AMPH: variants seen among roughly 807,000 people sequenced by gnomAD.
AMPH encodes amphiphysin (Stiff-Mann syndrome with breast cancer 128kD autoantigen).
A neutral mutation model predicts 99.1 loss-of-function variants in AMPH; 49 were observed. The observed-to-expected ratio is 0.49, with a 90% CI of 0.39 to 0.63. AMPH has a LOEUF of 0.63. Among genes scored for constraint, AMPH ranks in the 20% least tolerant of loss-of-function variants. AMPH has a pLI of 0.00. For synonymous variants in AMPH, 314 were observed against 317.3 expected, an observed-to-expected ratio of 0.99 and a Z score of 0.11; for missense variants, 759 against 863.4, an observed-to-expected ratio of 0.88 and a Z score of 1.52.
intron 17 of AMPH, among the ~76,000 whole-genome samples, chr7:38,398,018 G>A (rs951106786): frequency 4.0e-5 from 6 of 150,562 alleles, no homozygotes; most frequent in South Asian, 4.2e-4. Flanking sequence ...AAATGCTGGC[G>A]AGGAAGTAGA....
At chr7:38,578,394 G>T (rs1273677162) in intron 1 of AMPH, among the ~76,000 whole-genome samples, 1 of 152,182 alleles carries the variant, frequency 6.6e-6, no homozygotes, top group African/African-American at 2.4e-5. Context: ...AAGAACTTTG[G>T]CTTATGCAAG....
chr7:38,420,891 A>T (rs1402209328), intron 16 of AMPH: 2 of 451,836 alleles, frequency 4.4e-6, no homozygotes, highest in Non-Finnish European at 8.9e-6. Flanking sequence ...TGTACAGCTG[A>T]TTACCAACTT....
At chr7:38,629,391 G>A (rs970296983) in intron 1 of AMPH, among the ~76,000 whole-genome samples, 2 of 152,100 alleles carry the variant, frequency 1.3e-5, no homozygotes, top group Non-Finnish European at 2.9e-5. Flanking sequence ...GAAGAAAATA[G>A]GACGCTTGAA....
intron 17 of AMPH, among the ~76,000 whole-genome samples, chr7:38,410,938 T>C (rs1425412062): frequency 6.6e-6 from 1 of 152,224 alleles, no homozygotes; most frequent in Non-Finnish European, 1.5e-5. Flanking sequence ...TGGGAAGTCT[T>C]TGTGTCCACT....
Position 38,391,987 on chromosome 7 carries a change from G to T in AMPH, c.1639C>A (p.Pro547Thr). The T allele has an allele frequency of 6.2e-7, 1 of 1,608,154 alleles. No individual in the cohort carries two copies. Residue 547 changes from proline to threonine, a missense_variant, in exon 19 of 21, where the codon CCT (proline) becomes ACT (threonine). Pro to Thr is a conservative substitution (Grantham distance 38, BLOSUM62 -1). Around this residue, in one of 2 missense-constraint regions of AMPH, gnomAD observed 554 missense variants for 575.6 expected, o/e 0.96. Coordinates refer to ENST00000356264, the MANE Select transcript of AMPH (RefSeq NM_001635.4). ...CCTTCCTCTTCATGGTTGGAGGCAG[G>T]CTCTATGACCACCGAAGGAATGACC... is the stretch of plus-strand genomic sequence containing the variant. The part of the protein sequence containing the change: ...EKVIPSVVIE[P>T]ASNHEEEGEN...
At chr7:38,448,395 C>T (rs545096759) in intron 11 of AMPH, among the ~76,000 whole-genome samples, 2 of 152,180 alleles carry the variant, frequency 1.3e-5, no homozygotes, top group African/African-American at 2.4e-5. Flanking sequence ...ATGCCTGAAA[C>T]CACAAATGGT....
intron 7 of AMPH, among the ~76,000 whole-genome samples, chr7:38,467,610 G>A (rs1787708209): frequency 6.6e-6 from 1 of 150,852 alleles, no homozygotes; most frequent in Non-Finnish European, 1.5e-5. Context: ...CATCCAGAGG[G>A]GCTGCTCTAT....
chr7:38,615,657 C>A lies in AMPH; in HGVS notation c.69+15626G>T, dbSNP rs145529866. Among the ~76,000 whole-genome samples the A allele has an allele frequency of 5.0e-3, 761 of 152,294 alleles. 8 individuals carry two copies. The highest frequency in any genetic ancestry group is 0.018 in the African/African-American group (731 of 41,524). On this transcript the variant is annotated intron_variant, in intron 1 of 20. Coordinates refer to ENST00000356264, the MANE Select transcript of AMPH (RefSeq NM_001635.4). ...GGGGAGCTACAGTCCTTATGCCCCA[C>A]TGAACACTCTGGAAAGATCACTTCT... is the stretch of plus-strand genomic sequence containing the variant.
At chr7:38,559,368 G>A (rs1459075779) in intron 1 of AMPH, among the ~76,000 whole-genome samples, 1 of 152,212 alleles carries the variant, frequency 6.6e-6, no homozygotes, top group Non-Finnish European at 1.5e-5. Context: ...TTAGGCCGGA[G>A]AACAACAGAC....
intron 5 of AMPH, among the ~76,000 whole-genome samples, chr7:38,485,551 A>G (rs1788457485): frequency 6.6e-6 from 1 of 151,880 alleles, no homozygotes; most frequent in African/African-American, 2.4e-5. Flanking sequence ...TAGAACCACA[A>G]TTTCAATTAC....
intron 5 of AMPH, among the ~76,000 whole-genome samples, chr7:38,488,572 T>A (rs1286233975): frequency 1.3e-5 from 2 of 152,054 alleles, no homozygotes; most frequent in East Asian, 3.9e-4. Flanking sequence ...CTAATGCAGA[T>A]GATGCGTTGA....
At chr7:38,489,352 T>C (rs1189304052) in intron 5 of AMPH, among the ~76,000 whole-genome samples, 1 of 151,658 alleles carries the variant, frequency 6.6e-6, no homozygotes, top group Admixed American at 6.6e-5. Context: ...TAAAAATGGA[T>C]TAAAGACCTG....
chr7:38,564,095 C>A (rs1281848284), intron 1 of AMPH, among the ~76,000 whole-genome samples: 1 of 152,200 alleles, frequency 6.6e-6, no homozygotes, highest in African/African-American at 2.4e-5. Context: ...TTCACAGTTT[C>A]TCTATTGAAT....
At chr7:38,441,482 T>G (rs74992058) in intron 11 of AMPH, among the ~76,000 whole-genome samples, 1 of 151,926 alleles carries the variant, frequency 6.6e-6, no homozygotes, top group Admixed American at 6.6e-5. Flanking sequence ...GGTCATCAAA[T>G]AGGTCTCAAC....
chr7:38,525,831 T>C (rs981497512), intron 2 of AMPH, among the ~76,000 whole-genome samples: 1 of 152,222 alleles, frequency 6.6e-6, no homozygotes, highest in Non-Finnish European at 1.5e-5. Context: ...TACTACAGTT[T>C]GTTTAACTAT....
At chr7:38,585,130 G>T (rs1488076885) in intron 1 of AMPH, among the ~76,000 whole-genome samples, 1 of 152,034 alleles carries the variant, frequency 6.6e-6, no homozygotes, top group Non-Finnish European at 1.5e-5. Context: ...TATTTACGGG[G>T]TGCCAGTTAA....
chr7:38,558,321 C>T (rs1031039436), intron 1 of AMPH, among the ~76,000 whole-genome samples: 1 of 152,204 alleles, frequency 6.6e-6, no homozygotes, highest in Non-Finnish European at 1.5e-5. Context: ...TTCTGCACCA[C>T]CCACAGGCGA....
chr7:38,497,071 A>G (rs1562791742), intron 3 of AMPH, among the ~76,000 whole-genome samples: 1 of 152,196 alleles, frequency 6.6e-6, no homozygotes, highest in Non-Finnish European at 1.5e-5. Context: ...GATCATTTGG[A>G]CAGAAGCCAT....
chr7:38,550,400 A>C (rs1791138927), intron 1 of AMPH, among the ~76,000 whole-genome samples: 1 of 152,238 alleles, frequency 6.6e-6, no homozygotes, highest in African/African-American at 2.4e-5. Flanking sequence ...TGGAGGAACC[A>C]ACGTCATTAT....
Sources: allele counts gnomAD v4.1 joint callset (sites outside exome capture counted in the v4.1 genomes callset), GRCh38; gene constraint gnomAD v4.1.1; regional missense constraint gnomAD v4.1.1; transcripts MANE v1.5; gene names NCBI Gene and HGNC (gene_info 2026-07-23, HGNC 2026-07-21).